The following CMSS1 variants were observed in gnomAD, a reference collection of about 807,000 sequenced individuals.
The protein encoded by CMSS1 is cms1 ribosomal small subunit homolog, also known as protein CMSS1.
A neutral mutation model predicts 43.5 loss-of-function variants in CMSS1; 33 were observed. The ratio of observed to expected loss-of-function variants is 0.76; its 90% CI spans 0.57 to 1.01. The LOEUF (loss-of-function observed/expected upper bound fraction) is 1.01, where lower values mean the gene tolerates loss of function less well. CMSS1 is among the 50% of genes least tolerant of loss of function. CMSS1 has a pLI of 0.00. For missense variants in CMSS1, 313 were observed against 326.4 expected, an observed-to-expected ratio of 0.96 and a Z score of 0.32; for synonymous variants, 115 against 117.2, an observed-to-expected ratio of 0.98 and a Z score of 0.12.
At chr3:99,970,038 G>T (rs1037170677) in intron 1 of CMSS1, among the ~76,000 whole-genome samples, 1 of 152,196 alleles carries the variant, frequency 6.6e-6, no homozygotes, top group Non-Finnish European at 1.5e-5. Context: ...TTAGGCATTG[G>T]CTTAAAATTT....
intron 1 of CMSS1, among the ~76,000 whole-genome samples, chr3:99,834,316 A>G (rs1942807163): frequency 6.6e-6 from 1 of 152,246 alleles, no homozygotes; most frequent in African/African-American, 2.4e-5. Context: ...TCTATGGCTT[A>G]TATTAAAGAG....
intron 1 of CMSS1, among the ~76,000 whole-genome samples, chr3:99,871,700 T>C (rs1022016216): frequency 3.9e-5 from 6 of 152,136 alleles, no homozygotes; most frequent in Non-Finnish European, 8.8e-5. Flanking sequence ...GCAAAATGCT[T>C]AGCTGGAAGA....
At chr3:99,855,975 T>C (rs1271572751) in intron 1 of CMSS1, among the ~76,000 whole-genome samples, 4 of 152,234 alleles carry the variant, frequency 2.6e-5, no homozygotes, top group Non-Finnish European at 5.9e-5. Flanking sequence ...CATATCCCTC[T>C]GGTACCCATC....
intron 1 of CMSS1, among the ~76,000 whole-genome samples, chr3:100,130,460 A>C (rs180940890): frequency 7.9e-4 from 121 of 152,268 alleles, no homozygotes; most frequent in Middle Eastern, 3.4e-3. Context: ...GTTTTAGCAG[A>C]AGTTGATTGT....
intron 1 of CMSS1, among the ~76,000 whole-genome samples, chr3:99,892,169 T>C (rs1193732543): frequency 6.6e-6 from 1 of 152,224 alleles, no homozygotes; most frequent in African/African-American, 2.4e-5. Context: ...CTTATGTGAA[T>C]GATGCCACTT....
chr3:99,996,246 G>A lies in CMSS1; in HGVS notation c.65-150727G>A, dbSNP rs145445431. ...AGTTTCACAAATCTCTAGGGCAGGGGCAAAATGCTGCCAATCTCTTTGCTA... is the reference window on the plus strand; with the variant it reads ...AGTTTCACAAATCTCTAGGGCAGGGACAAAATGCTGCCAATCTCTTTGCTA... On this transcript the variant is annotated intron_variant, in intron 1 of 9. Coordinates refer to ENST00000421999, the MANE Select transcript of CMSS1 (RefSeq NM_032359.4). 7.2e-3 allele frequency among the ~76,000 whole-genome samples: 1,094 copies of A among 152,204 alleles called. 4 individuals are homozygous for A. Among genetic ancestry groups the A allele is most frequent in the African/African-American group, 1.0e-2 (414 of 41,514 alleles).
At chr3:99,955,357 G>T (rs1465853558) in intron 1 of CMSS1, among the ~76,000 whole-genome samples, 1 of 152,110 alleles carries the variant, frequency 6.6e-6, no homozygotes, top group Non-Finnish European at 1.5e-5. Context: ...CTCATGGAAA[G>T]ATACCTACAA....
At chr3:100,094,624 T>A (rs2066169992) in intron 1 of CMSS1, among the ~76,000 whole-genome samples, 1 of 151,826 alleles carries the variant, frequency 6.6e-6, no homozygotes, top group Admixed American at 6.6e-5. Context: ...AGATTCATTT[T>A]TTTCCTATGG....
intron 1 of CMSS1, among the ~76,000 whole-genome samples, chr3:100,111,095 A>G (rs2066483269): frequency 6.6e-6 from 1 of 152,134 alleles, no homozygotes; most frequent in Non-Finnish European, 1.5e-5. Flanking sequence ...ATTCCACCCA[A>G]AAAGAAGAAG....
chr3:100,006,954 T>G (rs926021987), intron 1 of CMSS1, among the ~76,000 whole-genome samples: 4 of 152,236 alleles, frequency 2.6e-5, no homozygotes, highest in Non-Finnish European at 5.9e-5. Flanking sequence ...TTTGTTTGGT[T>G]TTGTTCTGTA....
At chr3:99,931,013 G>C in intron 1 of CMSS1, 1 of 1,613,302 alleles carries the variant, frequency 6.2e-7, no homozygotes, top group Non-Finnish European at 8.5e-7. Context: ...ACTGCCTCTG[G>C]AACGCATTCT....
chr3:99,875,114 T>C (rs763022830), intron 1 of CMSS1, among the ~76,000 whole-genome samples: 5 of 152,214 alleles, frequency 3.3e-5, no homozygotes, highest in Non-Finnish European at 7.4e-5. Context: ...ATGAATCAAT[T>C]TTTCATCTCC....
At chr3:100,003,659 C>T (rs1419591669) in intron 1 of CMSS1, among the ~76,000 whole-genome samples, 1 of 151,984 alleles carries the variant, frequency 6.6e-6, no homozygotes, top group Non-Finnish European at 1.5e-5. Flanking sequence ...GAAGTTTTTG[C>T]AAGAAAACTC....
At chr3:99,914,865 A>G (rs1044530146) in intron 1 of CMSS1, among the ~76,000 whole-genome samples, 19 of 152,242 alleles carry the variant, frequency 1.2e-4, no homozygotes, top group Admixed American at 2.6e-4. Flanking sequence ...TGTGTGATAC[A>G]GTAGTATTCA....
chr3:99,826,124 C>T (rs1365790917), intron 1 of CMSS1, among the ~76,000 whole-genome samples: 1 of 152,140 alleles, frequency 6.6e-6, no homozygotes, highest in Non-Finnish European at 1.5e-5. Context: ...TTTAGTGGAA[C>T]ACTTCAGATG....
chr3:99,862,474 G>C (rs931453465), intron 1 of CMSS1, among the ~76,000 whole-genome samples: 1 of 151,036 alleles, frequency 6.6e-6, no homozygotes, highest in Non-Finnish European at 1.5e-5. Context: ...TTTTAGGTCA[G>C]AGTTTCTCAG....
chr3:100,095,541 G>T (rs916133590), intron 1 of CMSS1, among the ~76,000 whole-genome samples: 2 of 151,840 alleles, frequency 1.3e-5, no homozygotes, highest in Admixed American at 6.6e-5. Context: ...TCCAATAAAT[G>T]GTGCTAGGAA....
intron 1 of CMSS1, among the ~76,000 whole-genome samples, chr3:100,082,471 AT>A (rs1267813317): frequency 3.9e-5 from 6 of 152,116 alleles, no homozygotes; most frequent in Non-Finnish European, 8.8e-5. Flanking sequence ...AATGGTTTCT[AT>A]TTTCTTCTAT....
intron 1 of CMSS1, among the ~76,000 whole-genome samples, chr3:99,924,774 G>C (rs879776726): frequency 6.6e-6 from 1 of 151,952 alleles, no homozygotes; most frequent in East Asian, 1.9e-4. Flanking sequence ...TGCCTGCTTC[G>C]GCCTCCCAAA....
Sources: gnomAD v4.1 joint callset for allele counts (sites outside exome capture counted in the v4.1 genomes callset) on GRCh38, gnomAD v4.1.1 for gene constraint, MANE v1.5 for transcripts, NCBI Gene and HGNC (gene_info 2026-07-23, HGNC 2026-07-21) for gene names.